SUCLG2: variants seen among roughly 807,000 people sequenced by gnomAD.
The protein encoded by SUCLG2 is succinate--CoA ligase [GDP-forming] subunit beta, mitochondrial.
A neutral mutation model predicts 47.9 loss-of-function variants in SUCLG2; 42 were observed. The ratio of observed to expected loss-of-function variants is 0.88; its 90% CI spans 0.69 to 1.14. SUCLG2 has a LOEUF of 1.14. Ranked by LOEUF, SUCLG2 falls within the 50% of genes most tolerant of loss-of-function variation. SUCLG2 has a pLI of 0.00. For synonymous variants in SUCLG2, 195 were observed against 197.3 expected (o/e 0.99, Z 0.10); for missense variants, 571 against 525.9 (o/e 1.09, Z -0.84).
chr3:67,626,853 G>T (rs1025152348), intron 1 of SUCLG2, among the ~76,000 whole-genome samples: 6 of 142,508 alleles, frequency 4.2e-5, no homozygotes, highest in African/African-American at 1.6e-4. Flanking sequence ...GGCGGAGCTT[G>T]CAGTGAGCCG....
intron 2 of SUCLG2, among the ~76,000 whole-genome samples, chr3:67,559,502 A>G (rs2107212449): frequency 6.6e-6 from 1 of 152,318 alleles, no homozygotes; most frequent in South Asian, 2.1e-4. Flanking sequence ...CTCACTCACC[A>G]TCATGAGAAC....
intron 9 of SUCLG2, among the ~76,000 whole-genome samples, chr3:67,485,185 A>G (rs190888722): frequency 3.3e-5 from 5 of 152,368 alleles, no homozygotes; most frequent in African/African-American, 1.2e-4. Context: ...TAATTCTGAG[A>G]TAATTAAAAC....
intron 1 of SUCLG2, among the ~76,000 whole-genome samples, chr3:67,652,939 C>T (rs1219357565): frequency 6.6e-6 from 1 of 152,152 alleles, no homozygotes. Flanking sequence ...TACAGAAAAA[C>T]ACATCATCCA....
intron 1 of SUCLG2, among the ~76,000 whole-genome samples, chr3:67,620,580 A>T (rs1187147346): frequency 2.8e-5 from 4 of 141,692 alleles, no homozygotes; most frequent in African/African-American, 1.1e-4. Flanking sequence ...GTGAGACTCC[A>T]TCTCAAAAAA....
At chr3:67,480,601 G>A (rs1704887437) in intron 9 of SUCLG2, among the ~76,000 whole-genome samples, 1 of 152,174 alleles carries the variant, frequency 6.6e-6, no homozygotes, top group African/African-American at 2.4e-5. Flanking sequence ...AGCTACTAGG[G>A]AATGTAGCCT....
rs766904476 is a variant in SUCLG2 at position 67,528,153 on chromosome 3, T to C, written c.396A>G (p.Lys132=). Residue 132 remains lysine, a synonymous_variant, in exon 4 of 11, where the codon AAA becomes AAG. Coordinates refer to ENST00000307227, the MANE Select transcript of SUCLG2 (RefSeq NM_003848.4). ...TTACCTTGTTAACTTTCACACCTTC[T>C]TTTGGAGTTTGTTTTGTCGCTAGAT... ...GYNLATKQTP[K]EGVKVNKVMV... 4 of 1,613,870 alleles carry C rather than the reference T, an allele frequency of 2.5e-6. No individual in the cohort carries two copies. The highest frequency in any genetic ancestry group is 3.3e-5 in the Admixed American group (2 of 59,984).
intron 9 of SUCLG2, among the ~76,000 whole-genome samples, chr3:67,433,959 CCTACGAGAACTCTGT>C (rs1220270278): frequency 3.6e-4 from 55 of 152,210 alleles, no homozygotes; most frequent in African/African-American, 1.3e-3. Flanking sequence ...GCTTTCAATA[CCTACGAGAACTCTGT>C]CTAATTGAGC....
At chr3:67,448,395 G>A (rs1703977051) in intron 9 of SUCLG2, among the ~76,000 whole-genome samples, 1 of 152,170 alleles carries the variant, frequency 6.6e-6, no homozygotes, top group African/African-American at 2.4e-5. Context: ...GGGGAACAGA[G>A]AAGAGTCACA....
chr3:67,470,376 G>GC (rs1480373834), intron 9 of SUCLG2, among the ~76,000 whole-genome samples: 1 of 152,116 alleles, frequency 6.6e-6, no homozygotes, highest in African/African-American at 2.4e-5. Context: ...GTCTGTAACT[G>GC]CATTTTCTTA....
chr3:67,617,801 G>A (rs1344010877), intron 1 of SUCLG2, among the ~76,000 whole-genome samples: 1 of 152,022 alleles, frequency 6.6e-6, no homozygotes, highest in African/African-American at 2.4e-5. Flanking sequence ...GTTAATATAT[G>A]CAAATAAACT....
intron 6 of SUCLG2, among the ~76,000 whole-genome samples, chr3:67,515,046 A>G (rs762159216): frequency 5.3e-5 from 8 of 151,872 alleles, no homozygotes; most frequent in Non-Finnish European, 1.0e-4. Flanking sequence ...TGCTCACATC[A>G]CTCACCCCAC....
chr3:67,523,878 A>G (rs1352370449), intron 4 of SUCLG2, among the ~76,000 whole-genome samples: 2 of 152,190 alleles, frequency 1.3e-5, no homozygotes, highest in African/African-American at 2.4e-5. Flanking sequence ...ACTTTTTAGG[A>G]TAAGTGTCAT....
At chr3:67,563,176 G>A (rs1038595628) in intron 2 of SUCLG2, among the ~76,000 whole-genome samples, 9 of 151,374 alleles carry the variant, frequency 5.9e-5, no homozygotes, top group Non-Finnish European at 1.3e-4. Context: ...CAATACCACA[G>A]AATCTGACTG....
rs779813403 is a variant in SUCLG2 at position 67,518,286 on chromosome 3, C to T, written c.621G>A (p.Met207Ile). 32 of 1,612,536 alleles carry T rather than the reference C, an allele frequency of 2.0e-5. No homozygotes were observed. In the South Asian group the frequency reaches 3.5e-4, roughly 18 times the overall value. The change falls in exon 6 of 11, where the codon ATG (methionine) becomes ATA (isoleucine). Residue 207 changes from methionine to isoleucine, a missense_variant. Coordinates refer to ENST00000307227, the MANE Select transcript of SUCLG2 (RefSeq NM_003848.4). The part of the protein sequence containing the change: ...EGIKDSQAQR[M>I]AENLGFVGPL... ...GCCCAACGAAGCCTAGATTTTCGGC[C>T]ATCCGCTGAGCTTGGCTGTCCTTTA...
intron 9 of SUCLG2, among the ~76,000 whole-genome samples, chr3:67,482,395 G>C (rs532767908): frequency 6.6e-6 from 1 of 152,292 alleles, no homozygotes; most frequent in Non-Finnish European, 1.5e-5. Context: ...GTGCCTTTAA[G>C]GAAGTACCTG....
At chr3:67,592,751 T>G (rs1427403830) in intron 2 of SUCLG2, among the ~76,000 whole-genome samples, 1 of 124,234 alleles carries the variant, frequency 8.0e-6, no homozygotes, top group Non-Finnish European at 1.6e-5. Context: ...AAAAAAAAAC[T>G]GAATATCAAA....
chr3:67,545,531 C>T lies in SUCLG2; in HGVS notation c.227-16345G>A, dbSNP rs544571045. Among the ~76,000 whole-genome samples, 4 of 152,212 alleles carry T rather than the reference C, an allele frequency of 2.6e-5. No homozygotes were observed. The East Asian group carries it at 5.8e-4, about 22-fold the overall frequency. On this transcript the variant is annotated intron_variant, in intron 2 of 10. Transcript: ENST00000307227. ...GTTTTTGAAATCTAAGTCTATTGCT[C>T]GAATGTTAAACACAGAGGGGACTTT...
chr3:67,462,727 G>A (rs540319621), intron 9 of SUCLG2, among the ~76,000 whole-genome samples: 3 of 152,320 alleles, frequency 2.0e-5, no homozygotes, highest in African/African-American at 7.2e-5. Flanking sequence ...AGAGGTCATG[G>A]GAAACCCAAT....
At chr3:67,592,167 G>A (rs1299430263) in intron 2 of SUCLG2, among the ~76,000 whole-genome samples, 1 of 152,194 alleles carries the variant, frequency 6.6e-6, no homozygotes, top group African/African-American at 2.4e-5. Flanking sequence ...AAAATTAGAA[G>A]AAAAGTATTT....
Sources: gnomAD v4.1 joint callset for allele counts (sites outside exome capture counted in the v4.1 genomes callset) on GRCh38, gnomAD v4.1.1 for gene constraint, MANE v1.5 for transcripts, NCBI Gene and HGNC (gene_info 2026-07-23, HGNC 2026-07-21) for gene names.